The following NPLOC4 variants were observed in gnomAD, a reference collection of about 807,000 sequenced individuals.
NPLOC4 encodes NPL4 homolog, ubiquitin recognition factor, also known as nuclear protein localization protein 4 homolog.
Under a neutral mutation model 80.6 loss-of-function variants are expected in NPLOC4, and 18 were observed. That is an observed-to-expected ratio of 0.22 (90% CI 0.15 to 0.33). The LOEUF is 0.33. Ranked by LOEUF, NPLOC4 falls within the 10% of genes least tolerant of loss-of-function variation. The pLI is 1.00. For synonymous variants in NPLOC4, 313 were observed against 301.5 expected, an observed-to-expected ratio of 1.04 and a Z score of -0.39; for missense variants, 540 against 786.1, an observed-to-expected ratio of 0.69 and a Z score of 3.74.
At chr17:81,563,594 A>G (rs2033917246) in intron 16 of NPLOC4, 2 of 193,730 alleles carry the variant, frequency 1.0e-5, no homozygotes, top group South Asian at 7.1e-5. Flanking sequence ...AAAAGAAAAA[A>G]AAAAAAAAGA....
rs1406040730 is a variant in NPLOC4, at chr17:81,580,953, G to T, written c.1281+7991C>A. On this transcript the variant is annotated intron_variant, in intron 12 of 16. Transcript: ENST00000331134. This position sits in a 1 kb window ranked among gnomAD's most constrained non-coding sequence, Gnocchi z 4.4. The stretch of plus-strand genomic sequence containing the variant: ...CAGCTGGGGGCCTGGGAGAGACATG[G>T]CATGGAAGTACAAAATCCCCAGTGG... 1.3e-5 allele frequency among the ~76,000 whole-genome samples: 2 copies of T among 152,172 alleles called. No individual in the cohort carries two copies. The highest frequency in any genetic ancestry group is 2.9e-5 in the Non-Finnish European group (2 of 68,022).
chr17:81,604,193 A>C (rs1164917869), intron 8 of NPLOC4, among the ~76,000 whole-genome samples: 2 of 152,132 alleles, frequency 1.3e-5, no homozygotes, highest in African/African-American at 4.8e-5. Flanking sequence ...ATGGTTCCTA[A>C]GACAGTGACT....
At chr17:81,578,830 G>A (rs995573215) in intron 12 of NPLOC4, among the ~76,000 whole-genome samples, 2 of 152,188 alleles carry the variant, frequency 1.3e-5, no homozygotes, top group Admixed American at 1.3e-4. Flanking sequence ...ATATCACAAA[G>A]GGTGCTAGGG....
intron 1 of NPLOC4, among the ~76,000 whole-genome samples, chr17:81,634,830 A>G (rs60450259): frequency 0.62 from 93,303 of 151,258 alleles, 30,746 homozygotes; most frequent in East Asian, 0.99. Context: ...TGATCCGCCC[A>G]CCTCGGCCTC....
rs976228447 is a variant in NPLOC4, at chr17:81,558,206, C to T, written c.*1053G>A. 2 of 152,328 alleles carry T rather than the reference C, an allele frequency of 1.3e-5. No individual in the cohort carries two copies. Among genetic ancestry groups the T allele is most frequent in the Non-Finnish European group, 2.9e-5 (2 of 68,140 alleles). The allele number at this position is 152,328 out of a possible 1,614,324, so 9.4% of individuals were successfully genotyped here. A position where few individuals can be genotyped will look rare whatever the true frequency, so the allele number is the denominator to read the frequency against. The stretch of plus-strand genomic sequence containing the variant: ...TTGGTACACTATCAATTGTGCAGTG[C>T]CCCAGGGAGGTCCCAAATGGCCCTC... On this transcript the variant is annotated 3_prime_UTR_variant, in exon 17 of 17. Coordinates refer to ENST00000331134, the MANE Select transcript of NPLOC4 (RefSeq NM_017921.4).
At chr17:81,618,521 T>C (rs1818409657) in intron 3 of NPLOC4, among the ~76,000 whole-genome samples, 1 of 138,918 alleles carries the variant, frequency 7.2e-6, no homozygotes, top group Non-Finnish European at 1.5e-5. Context: ...AGCCGCCCCG[T>C]CCGGGAGGGA....
intron 12 of NPLOC4, among the ~76,000 whole-genome samples, chr17:81,586,566 C>T (rs9911342): frequency 0.14 from 21,483 of 150,124 alleles, 1,825 homozygotes; most frequent in Admixed American, 0.23. Flanking sequence ...GCCGAGATCG[C>T]GCCACTGTAC....
chr17:81,570,015 C>G (rs1361387989), intron 13 of NPLOC4, among the ~76,000 whole-genome samples: 1 of 152,222 alleles, frequency 6.6e-6, no homozygotes, highest in Admixed American at 6.5e-5. Context: ...TCCTTTGGGA[C>G]TATTTCTAAA....
intron 6 of NPLOC4, among the ~76,000 whole-genome samples, chr17:81,607,391 GA>G (rs2035233223): frequency 9.9e-6 from 1 of 101,160 alleles, no homozygotes; most frequent in Admixed American, 1.1e-4. Context: ...AAATATAACT[GA>G]CAAAAAAAAA....
chr17:81,608,784 G>A lies in NPLOC4; in HGVS notation c.474C>T (p.Pro158=), dbSNP rs762144983. Residue 158 remains proline, a synonymous_variant, in exon 6 of 17, where the codon CCC becomes CCT. Coordinates refer to ENST00000331134, the MANE Select transcript of NPLOC4 (RefSeq NM_017921.4). Reference sequence around the variant, plus strand: ...AGGCGTGGAAGGACATGTGCTTCACGGGAGGCTCGAGATGGTTTAGATAGT... The same window carrying A: ...AGGCGTGGAAGGACATGTGCTTCACAGGAGGCTCGAGATGGTTTAGATAGT... ...DEDYLNHLEP[P]VKHMSFHAYI... is the part of the protein sequence containing the mutation. 7.5e-6 allele frequency: 12 copies of A among 1,591,594 alleles called. No homozygotes were observed. The highest frequency in any genetic ancestry group is 4.6e-5 in the South Asian group (4 of 87,234).
chr17:81,608,458 C>A (rs1481932011), intron 6 of NPLOC4, among the ~76,000 whole-genome samples: 1 of 152,186 alleles, frequency 6.6e-6, no homozygotes, highest in Non-Finnish European at 1.5e-5. Context: ...CACCTGTAAT[C>A]CAGCACTTTG....
In NPLOC4 at chr17:81,597,225, C is replaced by G. The variant is rs771195231; in HGVS notation, c.993+20G>C. 1 of 1,604,988 alleles carries G rather than the reference C, an allele frequency of 6.2e-7. No homozygotes were observed. Among genetic ancestry groups the G allele is most frequent in the Admixed American group, 1.7e-5 (1 of 59,972 alleles). ...TAACCAAGCCATAGGGCCACACGCA[C>G]AGTCCTGTCTCCACCTCACCTTATT... is the stretch of plus-strand genomic sequence containing the variant. On this transcript the variant is annotated intron_variant, in intron 10 of 16. Transcript: ENST00000331134.
intron 16 of NPLOC4, chr17:81,563,620 G>C (rs1382332241): frequency 4.7e-6 from 1 of 212,192 alleles, no homozygotes; most frequent in Non-Finnish European, 9.7e-6. Context: ...GTCATTGTTA[G>C]AACTGCATCA....
In NPLOC4 at chr17:81,585,170, C is replaced by CAAAAAA. The variant is rs35473939; in HGVS notation, c.1281+3768_1281+3773dup. ...GGGCGACAGAACGAGACTCTGTCGC[C>CAAAAAA]AAAAAAAAAAAAAAAAAAAAAAAAA... On this transcript the variant is annotated intron_variant, in intron 12 of 16. Transcript: ENST00000331134. Among the ~76,000 whole-genome samples, 104 of 40,840 alleles carry CAAAAAA rather than the reference C, an allele frequency of 2.5e-3. 8 individuals are homozygous for CAAAAAA. The highest frequency in any genetic ancestry group is 4.6e-3 in the Admixed American group (10 of 2,178). 26.8% of individuals were successfully genotyped at this position (40,840 alleles called of 152,430 possible).
chr17:81,603,416 C>G (rs1055856383), intron 8 of NPLOC4, among the ~76,000 whole-genome samples: 5 of 151,796 alleles, frequency 3.3e-5, no homozygotes, highest in Non-Finnish European at 7.4e-5. Flanking sequence ...GGCAATATAG[C>G]GAGACCCTGA....
At chr17:81,578,255 C>T (rs1767231056) in intron 12 of NPLOC4, among the ~76,000 whole-genome samples, 1 of 152,202 alleles carries the variant, frequency 6.6e-6, no homozygotes, top group Non-Finnish European at 1.5e-5. Context: ...GCTGTGCTCT[C>T]CAGGTACATA....
intron 16 of NPLOC4, chr17:81,561,030 TCG>T (rs2033834771): frequency 6.6e-6 from 1 of 152,208 alleles, no homozygotes; most frequent in Admixed American, 6.6e-5. Context: ...CAATCTCGGC[TCG>T]CTGCAACCTC....
chr17:81,589,723 A>G (rs2034684591), intron 11 of NPLOC4, among the ~76,000 whole-genome samples: 1 of 151,704 alleles, frequency 6.6e-6, no homozygotes, highest in African/African-American at 2.4e-5. Flanking sequence ...AGAAAAGAAA[A>G]GGCTCAGATT....
chr17:81,623,292 A>C (rs1385465078), intron 2 of NPLOC4, among the ~76,000 whole-genome samples: 1 of 149,386 alleles, frequency 6.7e-6, no homozygotes, highest in African/African-American at 2.5e-5. Context: ...CAACATAGTG[A>C]AACCGTCTCT....
Sources: allele counts gnomAD v4.1 joint callset (sites outside exome capture counted in the v4.1 genomes callset), GRCh38; gene constraint gnomAD v4.1.1; non-coding constraint Gnocchi (gnomAD v3.1); transcripts MANE v1.5; gene names NCBI Gene and HGNC (gene_info 2026-07-23, HGNC 2026-07-21).